GPC6: variants seen among roughly 807,000 people sequenced by gnomAD.
GPC6 encodes the protein glypican-6.
Under a neutral mutation model 55.2 loss-of-function variants are expected in GPC6, and 14 were observed. The observed-to-expected ratio is 0.25, with a 90% confidence interval of 0.17 to 0.40. GPC6 has a LOEUF of 0.40. Among genes scored for constraint, GPC6 ranks in the 10% least tolerant of loss-of-function variants. The pLI is 1.00. For synonymous variants in GPC6, 278 were observed against 259.6 expected, an observed-to-expected ratio of 1.07 and a Z score of -0.68; for missense variants, 641 against 708.5, an observed-to-expected ratio of 0.90 and a Z score of 1.08.
chr13:94,267,386 A>C (rs952826844), intron 4 of GPC6, among the ~76,000 whole-genome samples: 1 of 152,158 alleles, frequency 6.6e-6, no homozygotes, highest in Non-Finnish European at 1.5e-5. Context: ...TTCTGGGTCA[A>C]AATGTTTCAA....
At chr13:94,114,668 A>T (rs1455598173) in intron 4 of GPC6, among the ~76,000 whole-genome samples, 1 of 152,184 alleles carries the variant, frequency 6.6e-6, no homozygotes, top group Admixed American at 6.6e-5. Flanking sequence ...CTAACCAGCT[A>T]TATTACCATT....
At chr13:93,286,805 C>A (rs1878142591) in intron 1 of GPC6, among the ~76,000 whole-genome samples, 1 of 151,986 alleles carries the variant, frequency 6.6e-6, no homozygotes, top group African/African-American at 2.4e-5. Context: ...TTTGTCCCTC[C>A]TTTTCTCCCT....
At chr13:94,162,843 G>T (rs892284370) in intron 4 of GPC6, among the ~76,000 whole-genome samples, 1 of 151,974 alleles carries the variant, frequency 6.6e-6, no homozygotes, top group African/African-American at 2.4e-5. Flanking sequence ...GTTTAAGTAA[G>T]TTAAATTCAG....
intron 3 of GPC6, among the ~76,000 whole-genome samples, chr13:93,907,521 A>G (rs558606777): frequency 3.5e-4 from 53 of 152,112 alleles, no homozygotes; most frequent in Non-Finnish European, 5.7e-4. Context: ...ATTGTTTTTA[A>G]TAACTGTCTG....
At chr13:93,238,989 T>C (rs890010840) in intron 1 of GPC6, among the ~76,000 whole-genome samples, 2 of 152,086 alleles carry the variant, frequency 1.3e-5, no homozygotes, top group Admixed American at 6.6e-5. Flanking sequence ...GTATTTGGTT[T>C]GCTATGTTTT....
chr13:93,569,247 T>G (rs886989153), intron 2 of GPC6, among the ~76,000 whole-genome samples: 1 of 152,100 alleles, frequency 6.6e-6, no homozygotes, highest in Non-Finnish European at 1.5e-5. Flanking sequence ...AGAACACTAG[T>G]CAACAATAAA....
At chr13:93,231,135 C>A (rs977168878) in intron 1 of GPC6, among the ~76,000 whole-genome samples, 1 of 151,436 alleles carries the variant, frequency 6.6e-6, no homozygotes, top group South Asian at 2.1e-4. Context: ...GGCTGTGTGA[C>A]AGGAACTTTA....
At chr13:93,614,245 C>A (rs1265067122) in intron 2 of GPC6, among the ~76,000 whole-genome samples, 2 of 152,118 alleles carry the variant, frequency 1.3e-5, no homozygotes, top group Non-Finnish European at 2.9e-5. Context: ...AACTAAATGA[C>A]AATACGCTAG....
At chr13:93,732,054 A>G (rs964502576) in intron 2 of GPC6, among the ~76,000 whole-genome samples, 2 of 152,190 alleles carry the variant, frequency 1.3e-5, no homozygotes, top group African/African-American at 4.8e-5. Context: ...CGAAGCAAAG[A>G]AAAAAGAAGT....
chr13:93,583,899 C>T (rs80173934), intron 2 of GPC6, among the ~76,000 whole-genome samples: 75 of 152,284 alleles, frequency 4.9e-4, no homozygotes, highest in African/African-American at 1.7e-3. Flanking sequence ...CTTCATCCCT[C>T]AACCACTGGA....
At chr13:94,041,074 A>G (rs1042678416) in intron 4 of GPC6, among the ~76,000 whole-genome samples, 4 of 151,910 alleles carry the variant, frequency 2.6e-5, no homozygotes, top group Non-Finnish European at 4.4e-5. Context: ...GTGAATTGCC[A>G]GTGAAGGTAT....
At chr13:93,830,680 A>G in intron 3 of GPC6, 135 bp downstream of exon 3, 1 of 746,644 alleles carries the variant, frequency 1.3e-6, no homozygotes, top group Non-Finnish European at 2.2e-6. Context: ...GCTCTTAATC[A>G]GTTAAATATC....
At chr13:94,151,146 G>A (rs1887726301) in intron 4 of GPC6, among the ~76,000 whole-genome samples, 1 of 151,976 alleles carries the variant, frequency 6.6e-6, no homozygotes, top group African/African-American at 2.4e-5. Context: ...GGTAGAGGCA[G>A]GTGTGGAATC....
chr13:94,234,803 A>G (rs1890829768), intron 4 of GPC6, among the ~76,000 whole-genome samples: 1 of 152,188 alleles, frequency 6.6e-6, no homozygotes, highest in African/African-American at 2.4e-5. Context: ...AAAAGTCAGC[A>G]TATACCACAA....
intron 6 of GPC6, among the ~76,000 whole-genome samples, chr13:94,327,985 T>A (rs1877212801): frequency 6.6e-6 from 1 of 152,006 alleles, no homozygotes; most frequent in African/African-American, 2.4e-5. Flanking sequence ...CCGATTTTGT[T>A]GGGAGAAAAA....
chr13:93,515,408 G>A (rs1320637594), intron 1 of GPC6, among the ~76,000 whole-genome samples: 1 of 152,190 alleles, frequency 6.6e-6, no homozygotes, highest in African/African-American at 2.4e-5. Flanking sequence ...TGCATGCTAT[G>A]TAGGGATAAT....
intron 2 of GPC6, among the ~76,000 whole-genome samples, chr13:93,624,744 T>C (rs1164433557): frequency 1.3e-5 from 2 of 152,208 alleles, no homozygotes; most frequent in Non-Finnish European, 2.9e-5. Context: ...TAAGAAAAGA[T>C]GTCAATCAAC....
At chr13:94,212,582 A>ATAGT (rs1890112320) in intron 4 of GPC6, among the ~76,000 whole-genome samples, 1 of 152,228 alleles carries the variant, frequency 6.6e-6, no homozygotes, top group Non-Finnish European at 1.5e-5. Flanking sequence ...GGAAAAATAT[A>ATAGT]TAGTTCTATT....
At chr13:93,314,957 G>T (rs1049485965) in intron 1 of GPC6, among the ~76,000 whole-genome samples, 1 of 152,048 alleles carries the variant, frequency 6.6e-6, no homozygotes, top group African/African-American at 2.4e-5. Flanking sequence ...ACCCAGATTT[G>T]TATGTCATAG....
Sources: gnomAD v4.1 joint callset for allele counts (sites outside exome capture counted in the v4.1 genomes callset) on GRCh38, gnomAD v4.1.1 for gene constraint, MANE v1.5 for transcripts, NCBI Gene and HGNC (gene_info 2026-07-23, HGNC 2026-07-21) for gene names.